The following CDH12 variants were observed in gnomAD, a reference collection of about 807,000 sequenced individuals.
CDH12 encodes cadherin 12, also known as cadherin-12.
CDH12 carries 41 observed loss-of-function variants against 74.1 expected under a neutral mutation model. The observed-to-expected ratio is 0.55, with a 90% CI of 0.43 to 0.72. The LOEUF is 0.72. Among genes scored for constraint, CDH12 ranks in the 30% least tolerant of loss-of-function variants. CDH12 has a pLI of 0.00. For synonymous variants in CDH12, 399 were observed against 355.0 expected (o/e 1.12, Z -1.39); for missense variants, 945 against 977.2 (o/e 0.97, Z 0.44).
intron 3 of CDH12, among the ~76,000 whole-genome samples, chr5:22,243,315 T>C (rs1752813907): frequency 6.6e-6 from 1 of 152,174 alleles, no homozygotes; most frequent in Non-Finnish European, 1.5e-5. Context: ...ATTATGTAAA[T>C]GGCGTTACCC....
At chr5:22,074,838 A>T (rs1172444471) in intron 5 of CDH12, among the ~76,000 whole-genome samples, 1 of 152,198 alleles carries the variant, frequency 6.6e-6, no homozygotes, top group Admixed American at 6.6e-5. Flanking sequence ...GTGGAGAAAT[A>T]GGAACACTTT....
intron 3 of CDH12, among the ~76,000 whole-genome samples, chr5:22,326,027 A>G (rs1739081565): frequency 6.6e-6 from 1 of 152,226 alleles, no homozygotes; most frequent in South Asian, 2.1e-4. Flanking sequence ...GGAAATGGGC[A>G]TAAATAAATC....
intron 1 of CDH12, among the ~76,000 whole-genome samples, chr5:22,648,188 C>T (rs1299475095): frequency 1.3e-5 from 2 of 151,774 alleles, no homozygotes; most frequent in East Asian, 1.9e-4. Context: ...CCTCCACAAG[C>T]GTTGGCAATT....
intron 4 of CDH12, among the ~76,000 whole-genome samples, chr5:22,124,787 C>G (rs950765414): frequency 6.6e-6 from 1 of 152,054 alleles, no homozygotes; most frequent in African/African-American, 2.4e-5. Flanking sequence ...TTTTTTCCTC[C>G]TTATCACTCT....
intron 9 of CDH12, among the ~76,000 whole-genome samples, chr5:21,811,376 A>G (rs1747735082): frequency 6.6e-6 from 1 of 152,064 alleles, no homozygotes; most frequent in Non-Finnish European, 1.5e-5. Context: ...AAATTTTGCA[A>G]TCACTTTGGA....
chr5:22,757,692 C>A (rs1745998792), intron 1 of CDH12, among the ~76,000 whole-genome samples: 1 of 152,120 alleles, frequency 6.6e-6, no homozygotes, highest in Non-Finnish European at 1.5e-5. Context: ...ATGTATAATT[C>A]ATTTGCAAGT....
At chr5:22,268,809 C>T (rs188200897) in intron 3 of CDH12, among the ~76,000 whole-genome samples, 1 of 152,136 alleles carries the variant, frequency 6.6e-6, no homozygotes, top group East Asian at 1.9e-4. Context: ...TATTGAGCAC[C>T]TCCTATATAA....
At chr5:22,687,193 T>C (rs1221423487) in intron 1 of CDH12, among the ~76,000 whole-genome samples, 1 of 151,646 alleles carries the variant, frequency 6.6e-6, no homozygotes, top group African/African-American at 2.4e-5. Context: ...TCTCGGGAGG[T>C]TGAGGCAGGA....
rs1469380989 is a variant in CDH12 at position 21,755,613 on chromosome 5, T to C, written c.1863A>G (p.Leu621=). 4 of 1,613,952 alleles carry C rather than the reference T, an allele frequency of 2.5e-6. No individual in the cohort carries two copies. Among genetic ancestry groups the C allele is most frequent in the Non-Finnish European group, 1.7e-6 (2 of 1,179,890 alleles). Reference sequence around the variant, plus strand: ...AACCTAAGAGTATAACAATGCATAGTAGAATTGCAATCAACGCCCCAGTGC... The same window carrying C: ...AACCTAAGAGTATAACAATGCATAGCAGAATTGCAATCAACGCCCCAGTGC... The part of the protein sequence containing the change: ...GLSTGALIAI[L]LCIVILLAIV... Residue 621 remains leucine, a synonymous_variant, in exon 14 of 15, where the codon CTA becomes CTG. Transcript: ENST00000382254.
At chr5:21,865,683 G>T (rs992601972) in intron 6 of CDH12, among the ~76,000 whole-genome samples, 4 of 152,120 alleles carry the variant, frequency 2.6e-5, no homozygotes, top group Non-Finnish European at 4.4e-5. Flanking sequence ...TGGCTGTAGG[G>T]TGTTTATTCT....
At chr5:22,621,381 GAAC>G (rs1476649424) in intron 1 of CDH12, among the ~76,000 whole-genome samples, 2 of 152,072 alleles carry the variant, frequency 1.3e-5, no homozygotes, top group Non-Finnish European at 2.9e-5. Context: ...TGCCTAGCAA[GAAC>G]AATATTCAAA....
At chr5:22,238,560 A>C (rs1414171294) in intron 3 of CDH12, among the ~76,000 whole-genome samples, 1 of 152,194 alleles carries the variant, frequency 6.6e-6, no homozygotes, top group Non-Finnish European at 1.5e-5. Flanking sequence ...AAAATGGGGC[A>C]GATCATGGAA....
chr5:21,812,302 A>G (rs1747791944), intron 9 of CDH12, among the ~76,000 whole-genome samples: 1 of 152,122 alleles, frequency 6.6e-6, no homozygotes, highest in African/African-American at 2.4e-5. Context: ...AAATGCATTT[A>G]GTATACTTAA....
At chr5:22,096,531 G>A (rs867165313) in intron 4 of CDH12, among the ~76,000 whole-genome samples, 2 of 152,000 alleles carry the variant, frequency 1.3e-5, no homozygotes, top group South Asian at 4.2e-4. Context: ...CTCAGCCTCC[G>A]ATCCTCCACC....
intron 5 of CDH12, among the ~76,000 whole-genome samples, chr5:22,017,296 G>A (rs1468241758): frequency 6.6e-6 from 1 of 152,012 alleles, no homozygotes; most frequent in Non-Finnish European, 1.5e-5. Context: ...CAATGACCCT[G>A]AACATAAGAC....
intron 10 of CDH12, among the ~76,000 whole-genome samples, chr5:21,800,912 T>C (rs1747077222): frequency 6.6e-6 from 1 of 152,156 alleles, no homozygotes; most frequent in Admixed American, 6.5e-5. Flanking sequence ...TCCGCCATGA[T>C]TGTAAGTTTC....
At chr5:21,969,621 C>A (rs897210983) in intron 6 of CDH12, among the ~76,000 whole-genome samples, 2 of 151,916 alleles carry the variant, frequency 1.3e-5, no homozygotes. Flanking sequence ...CAGACCGCAA[C>A]CCCAGCCAAC....
At chr5:21,972,885 G>A (rs1339909767) in intron 6 of CDH12, among the ~76,000 whole-genome samples, 1 of 151,602 alleles carries the variant, frequency 6.6e-6, no homozygotes, top group Non-Finnish European at 1.5e-5. Flanking sequence ...ACATTCAAAA[G>A]AAATACCCTT....
At chr5:22,801,881 T>G (rs1269594873) in intron 1 of CDH12, among the ~76,000 whole-genome samples, 1 of 151,270 alleles carries the variant, frequency 6.6e-6, no homozygotes, top group African/African-American at 2.4e-5. Context: ...TCTAAAAAAT[T>G]GTTATTCATT....
Sources: gnomAD v4.1 joint callset for allele counts (sites outside exome capture counted in the v4.1 genomes callset) on GRCh38, gnomAD v4.1.1 for gene constraint, MANE v1.5 for transcripts, NCBI Gene and HGNC (gene_info 2026-07-23, HGNC 2026-07-21) for gene names.